PPFIA2: variants seen among roughly 807,000 people sequenced by gnomAD.
The protein encoded by PPFIA2 is liprin-alpha-2.
In PPFIA2, 46 loss-of-function variants were observed where a neutral mutation model predicts 175.5. The observed-to-expected ratio is 0.26, with a 90% CI of 0.21 to 0.34. The LOEUF (loss-of-function observed/expected upper bound fraction) is 0.34. Among genes scored for constraint, PPFIA2 ranks in the 10% least tolerant of loss-of-function variants. The pLI, the probability that PPFIA2 is intolerant of heterozygous loss-of-function variation, is 1.00. For missense variants in PPFIA2, 1,179 were observed against 1,506.1 expected (o/e 0.78, Z 3.60); for synonymous variants, 568 against 511.4 (o/e 1.11, Z -1.49).
At chr12:81,335,072 G>A (rs2056884741) in intron 21 of PPFIA2, among the ~76,000 whole-genome samples, 1 of 152,044 alleles carries the variant, frequency 6.6e-6, no homozygotes, top group South Asian at 2.1e-4. Flanking sequence ...TTGATGCTGT[G>A]GTAGGTCGTA....
intron 3 of PPFIA2, among the ~76,000 whole-genome samples, chr12:81,703,143 C>T (rs1212732968): frequency 6.6e-6 from 1 of 152,136 alleles, no homozygotes; most frequent in Non-Finnish European, 1.5e-5. Context: ...TACCCAGTTT[C>T]ATAACCTTAT....
intron 17 of PPFIA2, among the ~76,000 whole-genome samples, chr12:81,350,995 T>C (rs184054163): frequency 2.6e-4 from 39 of 152,220 alleles, no homozygotes; most frequent in Admixed American, 1.6e-3. Flanking sequence ...AGAACACAAA[T>C]CTACCTGACA....
intron 20 of PPFIA2, among the ~76,000 whole-genome samples, chr12:81,340,408 T>G (rs1370329704): frequency 6.6e-6 from 1 of 152,098 alleles, no homozygotes; most frequent in Non-Finnish European, 1.5e-5. Context: ...GATGAGACAA[T>G]AAGAGAAGAT....
intron 4 of PPFIA2, among the ~76,000 whole-genome samples, chr12:81,560,311 C>A (rs987268065): frequency 1.3e-5 from 2 of 151,446 alleles, no homozygotes; most frequent in Non-Finnish European, 3.0e-5. Context: ...ACAGAGAGAA[C>A]AGGCAAAGGA....
At chr12:81,742,287 G>C (rs1392647791) in intron 3 of PPFIA2, among the ~76,000 whole-genome samples, 1 of 152,120 alleles carries the variant, frequency 6.6e-6, no homozygotes, top group African/African-American at 2.4e-5. Context: ...CTCTTTTATG[G>C]CTCTGAATTA....
At chr12:81,380,805 G>T (rs1188317905) in intron 9 of PPFIA2, among the ~76,000 whole-genome samples, 1 of 152,082 alleles carries the variant, frequency 6.6e-6, no homozygotes, top group African/African-American at 2.4e-5. Context: ...AATTAGCATT[G>T]CCCCTTTTGC....
chr12:81,537,882 T>C (rs1204139869), intron 4 of PPFIA2, among the ~76,000 whole-genome samples: 2 of 151,856 alleles, frequency 1.3e-5, no homozygotes, highest in African/African-American at 4.8e-5. Context: ...TTACTGAATA[T>C]TCCCTAGATC....
chr12:81,600,054 C>T (rs1166280219), intron 4 of PPFIA2, among the ~76,000 whole-genome samples: 1 of 151,884 alleles, frequency 6.6e-6, no homozygotes, highest in Non-Finnish European at 1.5e-5. Context: ...TATAAAGTTA[C>T]TATTTTCCCT....
chr12:81,470,637 A>C (rs1011009434), intron 4 of PPFIA2, among the ~76,000 whole-genome samples: 38 of 152,352 alleles, frequency 2.5e-4, no homozygotes, highest in African/African-American at 8.9e-4. Flanking sequence ...TAGCAGTGTT[A>C]TTCATTATAT....
At chr12:81,641,191 C>A (rs2064920363) in intron 4 of PPFIA2, among the ~76,000 whole-genome samples, 1 of 152,086 alleles carries the variant, frequency 6.6e-6, no homozygotes, top group Non-Finnish European at 1.5e-5. Flanking sequence ...TAATCAAGGT[C>A]AACTTCACCG....
chr12:81,601,772 G>A (rs1406421650), intron 4 of PPFIA2, among the ~76,000 whole-genome samples: 1 of 151,648 alleles, frequency 6.6e-6, no homozygotes, highest in African/African-American at 2.4e-5. Context: ...CATACAGTTT[G>A]AAAAACTATG....
chr12:81,543,421 A>G (rs2066508572), intron 4 of PPFIA2, among the ~76,000 whole-genome samples: 1 of 152,192 alleles, frequency 6.6e-6, no homozygotes, highest in Non-Finnish European at 1.5e-5. Flanking sequence ...AAAAAGGCAG[A>G]AATAAAGTAG....
At chr12:81,372,843 A>T (rs202049288) in intron 11 of PPFIA2, among the ~76,000 whole-genome samples, 1 of 151,682 alleles carries the variant, frequency 6.6e-6, no homozygotes, top group African/African-American at 2.4e-5. Context: ...AAGAATTCCA[A>T]TTTTCTGAAA....
At position 81,642,718 on chromosome 12, in the gene PPFIA2, T is replaced by TA. The variant is rs2065294985; in HGVS notation, c.303+34072dup. ...CATACATGTATATGTATGTATGTATTATATACATACATGTATATGTATGTA... is the reference window on the plus strand; with the variant it reads ...CATACATGTATATGTATGTATGTATTAATATACATACATGTATATGTATGTA... On this transcript the variant is annotated intron_variant, in intron 4 of 32. Coordinates refer to ENST00000549396, the MANE Select transcript of PPFIA2 (RefSeq NM_003625.5). Among the ~76,000 whole-genome samples the TA allele has an allele frequency of 1.6e-5, 2 of 122,096 alleles. 1 individual carries two copies. The highest frequency in any genetic ancestry group is 6.0e-5 in the African/African-American group (2 of 33,088). The allele number at this position is 122,096 out of a possible 152,430, so 80.1% of individuals were successfully genotyped here. A position where few individuals can be genotyped will look rare whatever the true frequency, so the allele number is the denominator to read the frequency against.
At chr12:81,400,681 T>C (rs925319839) in intron 8 of PPFIA2, among the ~76,000 whole-genome samples, 2 of 152,176 alleles carry the variant, frequency 1.3e-5, no homozygotes, top group South Asian at 2.1e-4. Flanking sequence ...CACGAATAAA[T>C]GTCAGATTCA....
intron 23 of PPFIA2, among the ~76,000 whole-genome samples, chr12:81,296,291 C>T (rs770582532): frequency 1.3e-5 from 2 of 152,154 alleles, no homozygotes; most frequent in Non-Finnish European, 2.9e-5. Context: ...TGCAATCCAG[C>T]CTAGGCAACA....
intron 22 of PPFIA2, chr12:81,312,266 C>T: frequency 8.4e-7 from 1 of 1,197,028 alleles, no homozygotes; most frequent in Non-Finnish European, 1.2e-6. Flanking sequence ...AAAACAAGAG[C>T]ATTATTTAAG....
chr12:81,322,902 G>C (rs2053974929), intron 22 of PPFIA2, among the ~76,000 whole-genome samples: 1 of 152,040 alleles, frequency 6.6e-6, no homozygotes, highest in African/African-American at 2.4e-5. Flanking sequence ...ACTAATGCCT[G>C]GATCAGAAAA....
Position 81,445,601 on chromosome 12 carries a change from C to G in PPFIA2, c.525G>C (p.Lys175Asn). The G allele has an allele frequency of 6.2e-7, 1 of 1,613,784 alleles. No homozygotes were observed. Among genetic ancestry groups the G allele is most frequent in the Non-Finnish European group, 8.5e-7 (1 of 1,179,798 alleles). The change falls in exon 6 of 33, where the codon AAG becomes AAC. Residue 175 changes from lysine to asparagine, a missense_variant. Transcript: ENST00000549396. Reference protein sequence around the residue: ...SGVSSEVEVLKALKSLFEHHK... With the variant: ...SGVSSEVEVLNALKSLFEHHK... ...GGTGCTCAAACAAAGATTTCAGTGCCTTGAGAACTTCAACTTCACTGGATA... is the reference window on the plus strand; with the variant it reads ...GGTGCTCAAACAAAGATTTCAGTGCGTTGAGAACTTCAACTTCACTGGATA...
Sources: allele counts gnomAD v4.1 joint callset (sites outside exome capture counted in the v4.1 genomes callset), GRCh38; gene constraint gnomAD v4.1.1; transcripts MANE v1.5; gene names NCBI Gene and HGNC (gene_info 2026-07-23, HGNC 2026-07-21).